PCDHGA3: variants seen among roughly 807,000 people sequenced by gnomAD.
The protein encoded by PCDHGA3 is protocadherin gamma-A3.
PCDHGA3 carries 40 observed loss-of-function variants against 58.5 expected under a neutral mutation model. The ratio of observed to expected loss-of-function variants is 0.68; its 90% CI spans 0.53 to 0.89. The LOEUF is 0.89. PCDHGA3 is among the 40% of genes least tolerant of loss of function. PCDHGA3 has a pLI of 0.00. For missense variants in PCDHGA3, 1,223 were observed against 1,195.9 expected (o/e 1.02, Z -0.33); for synonymous variants, 530 against 525.7 (o/e 1.01, Z -0.11).
chr5:141,421,469 G>T (rs767500900), intron 1 of PCDHGA3: 1 of 1,614,122 alleles, frequency 6.2e-7, no homozygotes, highest in South Asian at 1.1e-5. Flanking sequence ...GTGAATCCGC[G>T]AAGCGGCAGC....
chr5:141,462,209 C>T (rs1158675305), intron 1 of PCDHGA3, among the ~76,000 whole-genome samples: 6 of 152,172 alleles, frequency 3.9e-5, no homozygotes, highest in Non-Finnish European at 8.8e-5. Flanking sequence ...ATCCGCCTGC[C>T]TCGGCCTCCC....
chr5:141,408,555 A>G, intron 1 of PCDHGA3: 1 of 1,614,052 alleles, frequency 6.2e-7, no homozygotes, highest in South Asian at 1.1e-5. Flanking sequence ...AATATTTTTC[A>G]TGTCATTGTG....
intron 1 of PCDHGA3, chr5:141,361,833 G>A (rs376471858): frequency 1.3e-4 from 207 of 1,612,780 alleles, no homozygotes; most frequent in Non-Finnish European, 1.7e-4. Flanking sequence ...TGTACCCCGC[G>A]CTGGGGCCTG....
rs961341807 is a variant in PCDHGA3 at position 141,486,262 on chromosome 5, A to G, written c.2425-8545A>G. The G allele has an allele frequency of 6.2e-6, 10 of 1,613,912 alleles. No individual in the cohort carries two copies. Among genetic ancestry groups the G allele is most frequent in the Non-Finnish European group, 8.5e-6 (10 of 1,179,986 alleles). On this transcript the variant is annotated intron_variant, in intron 1 of 3. Transcript: ENST00000253812. This position sits in a 1 kb window ranked among gnomAD's most constrained non-coding sequence, Gnocchi z 5.0. ...AGCTTGGAACCCTCCCCGAGAGTGC[A>G]GAACCTGGCACTGTGGTGGCACTTA...
chr5:141,390,874 G>C (rs2092257325), intron 1 of PCDHGA3: 1 of 153,302 alleles, frequency 6.5e-6, no homozygotes, highest in Non-Finnish European at 1.4e-5. Context: ...GTGCGTGTGT[G>C]TGTGTGTGTG....
At chr5:141,441,890 T>C (rs967557692) in intron 1 of PCDHGA3, 18 of 348,170 alleles carry the variant, frequency 5.2e-5, no homozygotes, top group Non-Finnish European at 7.2e-5. Flanking sequence ...GTCACCAAGG[T>C]GGTGGCTGTA....
rs746834673 is a variant in PCDHGA3, at chr5:141,394,045, A to G, written c.2424+47588A>G. ...AGATTAGTGACAAGGAAATATTTGG[A>G]CCGAGAAAATGTCTCTATCTACAAT... On this transcript the variant is annotated intron_variant, in intron 1 of 3. Transcript: ENST00000253812. 6 of 1,613,706 alleles carry G rather than the reference A, an allele frequency of 3.7e-6. No individual in the cohort carries two copies. The highest frequency in any genetic ancestry group is 1.6e-4 in the Middle Eastern group (1 of 6,062).
At chr5:141,402,820 C>G (rs1351401631) in intron 1 of PCDHGA3, 2 of 1,288,046 alleles carry the variant, frequency 1.6e-6, no homozygotes, top group Admixed American at 5.9e-5. Flanking sequence ...CACAAACCTG[C>G]TCCCAGGCTG....
chr5:141,419,192 G>A (rs772847766), intron 1 of PCDHGA3: 65 of 1,613,816 alleles, frequency 4.0e-5, no homozygotes, highest in Middle Eastern at 1.6e-4. Context: ...CATTACTGAC[G>A]TCAATGACAA....
chr5:141,423,760 G>GT, intron 1 of PCDHGA3: 1 of 279,664 alleles, frequency 3.6e-6, no homozygotes, highest in Non-Finnish European at 5.3e-6. Flanking sequence ...TGGGGGGGGG[G>GT]TGGGGCGGCA....
At chr5:141,410,487 A>G in intron 1 of PCDHGA3, 1 of 1,613,970 alleles carries the variant, frequency 6.2e-7, no homozygotes, top group Non-Finnish European at 8.5e-7. Context: ...ACGGGTACAA[A>G]AGAGTTTAAT....
At chr5:141,417,340 C>T (rs981474163) in intron 1 of PCDHGA3, 2 of 152,874 alleles carry the variant, frequency 1.3e-5, no homozygotes, top group African/African-American at 4.8e-5. Context: ...GATAGGAGAC[C>T]TATAAACCTT....
intron 2 of PCDHGA3, among the ~76,000 whole-genome samples, chr5:141,502,496 C>T (rs934563545): frequency 2.0e-5 from 3 of 152,178 alleles, no homozygotes; most frequent in Admixed American, 6.5e-5. Context: ...ACTCATCTAA[C>T]GTCGGCCTGT....
chr5:141,404,738 A>C (rs1361110725), intron 1 of PCDHGA3: 24 of 1,613,674 alleles, frequency 1.5e-5, no homozygotes, highest in Non-Finnish European at 1.9e-5. Flanking sequence ...GGCAGTGGAC[A>C]GAGACTCAGG....
intron 1 of PCDHGA3, chr5:141,384,038 G>T: frequency 6.2e-7 from 1 of 1,613,110 alleles, no homozygotes; most frequent in South Asian, 1.1e-5. Flanking sequence ...GGAAAGAATG[G>T]TGAGGTGACC....
intron 1 of PCDHGA3, chr5:141,411,549 A>G (rs1169343676): frequency 6.6e-6 from 1 of 152,210 alleles, no homozygotes; most frequent in African/African-American, 2.4e-5. Flanking sequence ...TTGCCACTGC[A>G]CTCCAGCCTG....
chr5:141,410,849 C>CTTTTTTTTTGTTTTTTTT (rs2095433801), intron 1 of PCDHGA3: 1 of 129,786 alleles, frequency 7.7e-6, no homozygotes, highest in African/African-American at 6.0e-5. Context: ...TTGTCTTTGT[C>CTTTTTTTTTGTTTTTTTT]TTTTTTTTTT....
chr5:141,478,322 C>A, intron 1 of PCDHGA3: 3 of 1,613,976 alleles, frequency 1.9e-6, no homozygotes, highest in Non-Finnish European at 2.5e-6. Context: ...CTCACTGTAC[C>A]GAACACCAGG....
intron 1 of PCDHGA3, chr5:141,366,716 A>G (rs746454845): frequency 1.4e-5 from 23 of 1,614,062 alleles, no homozygotes; most frequent in Non-Finnish European, 1.9e-5. Flanking sequence ...GATGTCTGAT[A>G]AGGTAGATGC....
Sources: gnomAD v4.1 joint callset for allele counts (sites outside exome capture counted in the v4.1 genomes callset) on GRCh38, gnomAD v4.1.1 for gene constraint, Gnocchi (gnomAD v3.1) non-coding constraint, MANE v1.5 for transcripts, NCBI Gene and HGNC (gene_info 2026-07-23, HGNC 2026-07-21) for gene names.